The following CD2AP variants were observed in gnomAD, a reference collection of about 807,000 sequenced individuals.
CD2AP encodes the protein CD2 associated protein, also known as CD2-associated protein.
In CD2AP, 46 loss-of-function variants were observed where a neutral mutation model predicts 85.1. That is an observed-to-expected ratio of 0.54 (90% CI 0.43 to 0.69). The LOEUF (loss-of-function observed/expected upper bound fraction) is 0.69. CD2AP is among the 30% of genes least tolerant of loss of function. The pLI, the probability that CD2AP is intolerant of heterozygous loss-of-function variation, is 0.00. For synonymous variants in CD2AP, 255 were observed against 252.9 expected, an observed-to-expected ratio of 1.01 and a Z score of -0.08; for missense variants, 769 against 729.5, an observed-to-expected ratio of 1.05 and a Z score of -0.62.
rs543933874 is a variant in CD2AP, at chr6:47,548,055, TAACTTAAAAGTC to T, written c.420+3361_420+3372del. 1.7e-4 allele frequency among the ~76,000 whole-genome samples: 26 copies of T among 152,240 alleles called. No homozygotes were observed. In the East Asian group the frequency reaches 4.4e-3, roughly 26 times the overall value. Reference sequence around the variant, plus strand: ...AGAGGAAAGTTAATAACCTAACTTTTAACTTAAAAGTCAACTTAAAAGTTAAAAGTTGATGCC... The same window carrying T: ...AGAGGAAAGTTAATAACCTAACTTTTAACTTAAAAGTTAAAAGTTGATGCC... On this transcript the variant is annotated intron_variant, in intron 4 of 17. Transcript: ENST00000359314.
chr6:47,621,832 A>G (rs1015863039), intron 17 of CD2AP, among the ~76,000 whole-genome samples: 22 of 152,100 alleles, frequency 1.4e-4, no homozygotes, highest in African/African-American at 4.8e-4. Context: ...TATGTGCATA[A>G]TGATGTTCAT....
chr6:47,495,159 C>T lies in CD2AP; in HGVS notation c.5-8121C>T, dbSNP rs549504065. ...GCCTGGGTGACAGAGTAAGGCTTTG[C>T]GTCAAAAAGAGAGAGAGAAATAGTC... On this transcript the variant is annotated intron_variant, in intron 1 of 17. Transcript: ENST00000359314. Among the ~76,000 whole-genome samples the T allele has an allele frequency of 7.2e-5, 11 of 151,766 alleles. No homozygotes were observed. In the South Asian group the frequency reaches 1.5e-3, roughly 20 times the overall value.
At chr6:47,574,304 T>TC in intron 6 of CD2AP, 53 bp downstream of exon 6, 1 of 1,515,664 alleles carries the variant, frequency 6.6e-7, no homozygotes, top group East Asian at 2.3e-5. Context: ...CATTAAGCAT[T>TC]TTTTAAAATG....
intron 2 of CD2AP, among the ~76,000 whole-genome samples, chr6:47,517,914 CTT>C (rs1562012553): frequency 6.6e-6 from 1 of 152,118 alleles, no homozygotes; most frequent in East Asian, 1.9e-4. Context: ...ATCTAGTAGA[CTT>C]CGCTTACTAA....
chr6:47,558,623 T>A (rs1767759759), intron 5 of CD2AP, among the ~76,000 whole-genome samples: 1 of 152,200 alleles, frequency 6.6e-6, no homozygotes, highest in South Asian at 2.1e-4. Flanking sequence ...ATGGATTATG[T>A]TTATTGATTT....
At chr6:47,552,677 C>A (rs910140855) in intron 4 of CD2AP, among the ~76,000 whole-genome samples, 1 of 152,142 alleles carries the variant, frequency 6.6e-6, no homozygotes, top group Non-Finnish European at 1.5e-5. Flanking sequence ...TCAGTTGTTG[C>A]CAGTTGGGGT....
At chr6:47,528,580 G>A (rs896286436) in intron 2 of CD2AP, among the ~76,000 whole-genome samples, 1 of 152,176 alleles carries the variant, frequency 6.6e-6, no homozygotes, top group Non-Finnish European at 1.5e-5. Flanking sequence ...GTTGTAAATA[G>A]TAGTTTATTA....
chr6:47,513,424 C>G (rs1294408782), intron 2 of CD2AP, among the ~76,000 whole-genome samples: 3 of 152,090 alleles, frequency 2.0e-5, no homozygotes, highest in African/African-American at 7.2e-5. Flanking sequence ...GTGTTGAGGT[C>G]CCAAACTGCA....
At chr6:47,567,245 G>C (rs1768029179) in intron 5 of CD2AP, among the ~76,000 whole-genome samples, 1 of 152,066 alleles carries the variant, frequency 6.6e-6, no homozygotes, top group Admixed American at 6.6e-5. Context: ...CTCTTTGAGG[G>C]TTGTGAGTAG....
intron 17 of CD2AP, among the ~76,000 whole-genome samples, chr6:47,616,258 A>T (rs1262288486): frequency 6.7e-6 from 1 of 149,826 alleles, no homozygotes; most frequent in Non-Finnish European, 1.5e-5. Context: ...TACCCAGCTA[A>T]TTTTTTTGTA....
chr6:47,532,842 T>A (rs1291384967), intron 2 of CD2AP, among the ~76,000 whole-genome samples: 2 of 152,256 alleles, frequency 1.3e-5, no homozygotes, highest in Non-Finnish European at 2.9e-5. Flanking sequence ...AGAACTGATA[T>A]ATTTTTATGA....
At chr6:47,580,293 G>A (rs1443099480) in intron 9 of CD2AP, among the ~76,000 whole-genome samples, 1 of 152,112 alleles carries the variant, frequency 6.6e-6, no homozygotes, top group Non-Finnish European at 1.5e-5. Context: ...CACCAACTTA[G>A]AAGTGTATAT....
chr6:47,487,097 T>C (rs938895657), intron 1 of CD2AP, among the ~76,000 whole-genome samples: 5 of 152,204 alleles, frequency 3.3e-5, no homozygotes, highest in Admixed American at 1.3e-4. Context: ...CCTGACTGTT[T>C]TGGTGTATGT....
chr6:47,498,843 TC>T (rs1025097823), intron 1 of CD2AP, among the ~76,000 whole-genome samples: 7 of 152,228 alleles, frequency 4.6e-5, no homozygotes, highest in African/African-American at 1.7e-4. Context: ...ATCATTTTTT[TC>T]CTGACTGATA....
At chr6:47,580,945 A>T (rs754500891) in intron 10 of CD2AP, 45 bp downstream of exon 10, 7 of 1,321,440 alleles carry the variant, frequency 5.3e-6, no homozygotes, top group East Asian at 2.3e-5. Flanking sequence ...TCCATTTTTT[A>T]AAATTCTAAA....
At chr6:47,541,852 G>A (rs1197042907) in intron 3 of CD2AP, among the ~76,000 whole-genome samples, 2 of 152,198 alleles carry the variant, frequency 1.3e-5, no homozygotes, top group African/African-American at 4.8e-5. Context: ...ATTGTAGCAT[G>A]ACATCTTTCT....
chr6:47,491,215 C>T (rs887896609), intron 1 of CD2AP, among the ~76,000 whole-genome samples: 5 of 151,096 alleles, frequency 3.3e-5, no homozygotes, highest in African/African-American at 1.2e-4. Context: ...AAATACTTAG[C>T]CCTGGGAATA....
At chr6:47,618,423 A>G (rs1332992816) in intron 17 of CD2AP, among the ~76,000 whole-genome samples, 3 of 152,142 alleles carry the variant, frequency 2.0e-5, no homozygotes, top group African/African-American at 2.4e-5. Context: ...TACTTATTCT[A>G]CCTGTCTTTG....
At chr6:47,607,369 G>C (rs1183208438) in intron 14 of CD2AP, among the ~76,000 whole-genome samples, 2 of 151,852 alleles carry the variant, frequency 1.3e-5, no homozygotes, top group Non-Finnish European at 2.9e-5. Flanking sequence ...GTTTTTTGAG[G>C]AACTTCCAAA....
Sources: gnomAD v4.1 joint callset for allele counts (sites outside exome capture counted in the v4.1 genomes callset) on GRCh38, gnomAD v4.1.1 for gene constraint, MANE v1.5 for transcripts, NCBI Gene and HGNC (gene_info 2026-07-23, HGNC 2026-07-21) for gene names.